Variants in PDCD11 observed in about 807,000 individuals in gnomAD.
The protein encoded by PDCD11 is programmed cell death 11, also known as protein RRP5 homolog.
Under a neutral mutation model 198.9 loss-of-function variants are expected in PDCD11, and 97 were observed. The ratio of observed to expected loss-of-function variants is 0.49; its 90% CI spans 0.41 to 0.58. The LOEUF is 0.58. Ranked by LOEUF, PDCD11 falls within the 20% of genes least tolerant of loss-of-function variation. The probability of loss-of-function intolerance (pLI) is 0.00; values close to 1 mark genes in which losing one functional copy is unlikely to be tolerated. For synonymous variants in PDCD11, 893 were observed against 918.0 expected (o/e 0.97, Z 0.49); for missense variants, 2,102 against 2,312.7 (o/e 0.91, Z 1.87).
At position 103,421,371 on chromosome 10, in the gene PDCD11, C is replaced by G; in HGVS notation, c.2301C>G (p.Thr767=). 1 of 1,609,146 alleles carries G rather than the reference C, an allele frequency of 6.2e-7. No homozygotes were observed. Among genetic ancestry groups the G allele is most frequent in the East Asian group, 2.2e-5 (1 of 44,810 alleles). ...PKAIMSDKFV[T]STSDHFVEGQ... is the part of the protein sequence containing the mutation. ...AGATCATGAGTGACAAATTTGTGAC[C>G]TCCACAAGTGACCACTTTGTTGAGG... Residue 767 remains threonine, a synonymous_variant, in exon 17 of 36, where the codon ACC becomes ACG. Transcript: ENST00000369797.
intron 30 of PDCD11, among the ~76,000 whole-genome samples, chr10:103,441,091 A>T (rs2133752231): frequency 6.6e-6 from 1 of 152,302 alleles, no homozygotes; most frequent in Admixed American, 6.5e-5. Context: ...GAGGCTGGGC[A>T]GAGAAAGAGG....
intron 25 of PDCD11, 31 bp from the exon 26 acceptor site, chr10:103,437,984 G>T: frequency 1.3e-6 from 2 of 1,598,948 alleles, no homozygotes; most frequent in South Asian, 1.1e-5. Context: ...GCTGAAAATT[G>T]AGCGTTTCCT....
Position 103,440,543 on chromosome 10 carries a change from C to G in PDCD11, c.4402C>G (p.Arg1468Gly). Reference sequence around the variant, plus strand: ...GCCCCAGAAGCCACAGGCGCAGAAGCGGGGCGGGCGGGAGTGCCGGGAGTC... The same window carrying G: ...GCCCCAGAAGCCACAGGCGCAGAAGGGGGGCGGGCGGGAGTGCCGGGAGTC... The part of the protein sequence containing the change: ...QQPQKPQAQK[R>G]GGRECRESGS... The change falls in exon 29 of 36, where the codon CGG (arginine) becomes GGG (glycine). Residue 1468 changes from arginine to glycine, a missense_variant. Transcript: ENST00000369797. 1.2e-6 allele frequency: 2 copies of G among 1,612,480 alleles called. No individual in the cohort carries two copies. The highest frequency in any genetic ancestry group is 2.7e-5 in the African/African-American group (2 of 74,990).
intron 4 of PDCD11, among the ~76,000 whole-genome samples, chr10:103,404,292 G>A (rs1027792191): frequency 1.4e-5 from 2 of 147,184 alleles, no homozygotes; most frequent in African/African-American, 5.0e-5. Flanking sequence ...CCTGACCTAT[G>A]ATTTTTGTTT....
In PDCD11 at chr10:103,446,265, A is replaced by T. The variant is rs1485111106; in HGVS notation, c.*716A>T. 6.6e-6 allele frequency: 1 copy of T among 152,248 alleles called. No homozygotes were observed. The highest frequency in any genetic ancestry group is 1.5e-5 in the Non-Finnish European group (1 of 68,090). The allele number at this position is 152,248 out of a possible 1,614,324, so 9.4% of individuals were successfully genotyped here. A position where few individuals can be genotyped will look rare whatever the true frequency, so the allele number is the denominator to read the frequency against. ...AAGCCAGTTCTTTTTTGTCTTGGTCATGAGGGAATTAAACGTTTTCTCTGG... is the reference window on the plus strand; with the variant it reads ...AAGCCAGTTCTTTTTTGTCTTGGTCTTGAGGGAATTAAACGTTTTCTCTGG... On this transcript the variant is annotated 3_prime_UTR_variant, in exon 36 of 36. Transcript: ENST00000369797.
In PDCD11 at chr10:103,434,860, G is replaced by A. The variant is rs765758017; in HGVS notation, c.3730G>A (p.Glu1244Lys). 41 of 1,612,922 alleles carry A rather than the reference G, an allele frequency of 2.5e-5. No individual in the cohort carries two copies. Among genetic ancestry groups the A allele is most frequent in the Admixed American group, 1.2e-4 (7 of 59,880 alleles). ...MGRVVKVTPN[E>K]GLTVSFPFGK... ...CCGAGTGGTGAAGGTGACTCCCAAC[G>A]AGGGGCTGACCGTCTCCTTCCCCTT... Residue 1244 changes from glutamate to lysine, a missense_variant, in exon 25 of 36, where the codon GAG becomes AAG. Physicochemically the swap from Glu to Lys is moderately conservative, Grantham distance 56 (BLOSUM62 1). Coordinates refer to ENST00000369797, the MANE Select transcript of PDCD11 (RefSeq NM_014976.2).
Position 103,440,330 on chromosome 10 carries a change from C to T in PDCD11, c.4189C>T (p.Pro1397Ser). 1 of 1,614,162 alleles carries T rather than the reference C, an allele frequency of 6.2e-7. No homozygotes were observed. Among genetic ancestry groups the T allele is most frequent in the Non-Finnish European group, 8.5e-7 (1 of 1,180,034 alleles). The change falls in exon 29 of 36, where the codon CCC becomes TCC. Residue 1397 changes from proline (P) to serine (S), a missense_variant. Coordinates refer to ENST00000369797, the MANE Select transcript of PDCD11 (RefSeq NM_014976.2). ...QKNLVELSFLPGDTGKPDVLS... is the reference protein window; with the variant it reads ...QKNLVELSFLSGDTGKPDVLS... ...GAACCTGGTAGAGCTGTCTTTCCTC[C>T]CCGGAGACACTGGGAAGCCAGACGT...
Position 103,440,488 on chromosome 10 carries a change from G to A in PDCD11, c.4347G>A (p.Glu1449=). 2 of 1,613,978 alleles carry A rather than the reference G, an allele frequency of 1.2e-6. No individual in the cohort carries two copies. Among genetic ancestry groups the A allele is most frequent in the South Asian group, 1.1e-5 (1 of 91,078 alleles). Residue 1449 remains glutamate (E), a synonymous_variant, in exon 29 of 36, where the codon GAG becomes GAA. Coordinates refer to ENST00000369797, the MANE Select transcript of PDCD11 (RefSeq NM_014976.2). ...NEKKNQKGQE[E]VEMPSKEKQQ... The stretch of plus-strand genomic sequence containing the variant: ...AGAAGAACCAGAAGGGGCAGGAGGA[G>A]GTGGAGATGCCCAGCAAGGAGAAGC...
At chr10:103,443,756 A>C (rs1592144516) in intron 33 of PDCD11, among the ~76,000 whole-genome samples, 159 bp from the exon 34 acceptor site, 1 of 152,082 alleles carries the variant, frequency 6.6e-6, no homozygotes, top group Admixed American at 6.5e-5. Context: ...CCCTTCTGTG[A>C]GCCTCCCTCC....
At chr10:103,414,363 T>A (rs1384722947) in intron 11 of PDCD11, 33 bp downstream of exon 11, 2 of 1,527,044 alleles carry the variant, frequency 1.3e-6, no homozygotes, top group African/African-American at 2.7e-5. Context: ...AGGTACTGCC[T>A]CACCATCAGG....
chr10:103,439,694 G>A lies in PDCD11; in HGVS notation c.4026-52G>A, dbSNP rs2032295913. 5.0e-6 allele frequency: 8 copies of A among 1,611,370 alleles called. No homozygotes were observed. The South Asian group carries it at 8.8e-5, about 18-fold the overall frequency. ...AGAGTGAAGTCCCGAGGCCTGGTTG[G>A]AATTCTGTTGTTGCATTTGTGACCA... On this transcript the variant is annotated intron_variant, in intron 27 of 35. Coordinates refer to ENST00000369797, the MANE Select transcript of PDCD11 (RefSeq NM_014976.2).
chr10:103,416,774 C>G (rs748196051), intron 13 of PDCD11, 32 bp downstream of exon 13: 5 of 1,602,356 alleles, frequency 3.1e-6, no homozygotes, highest in Non-Finnish European at 4.3e-6. Flanking sequence ...TCCCCTTTAC[C>G]CTTGGTGACC....
chr10:103,425,614 C>T, intron 20 of PDCD11, 89 bp downstream of exon 20: 1 of 1,097,406 alleles, frequency 9.1e-7, no homozygotes, highest in South Asian at 1.5e-5. Context: ...CAAAAAGTTG[C>T]ATGTAAGTCA....
chr10:103,430,415 G>C (rs1358974927), intron 21 of PDCD11, among the ~76,000 whole-genome samples: 1 of 152,220 alleles, frequency 6.6e-6, no homozygotes, highest in African/African-American at 2.4e-5. Context: ...GAATAGTGCT[G>C]CATTGAACAT....
Position 103,445,592 on chromosome 10 carries a change from C to CTG in PDCD11, c.*43_*44insTG. 1 of 1,570,120 alleles carries CTG rather than the reference C, an allele frequency of 6.4e-7. No individual in the cohort carries two copies. Among genetic ancestry groups the CTG allele is most frequent in the Non-Finnish European group, 8.7e-7 (1 of 1,149,578 alleles). On this transcript the variant is annotated 3_prime_UTR_variant, in exon 36 of 36. Coordinates refer to ENST00000369797, the MANE Select transcript of PDCD11 (RefSeq NM_014976.2). ...GGGACACTGTCAACAATGGGCCAGCCCGGCCCCGCCTCGAGTGCCTGGGCA... is the reference window on the plus strand; with the variant it reads ...GGGACACTGTCAACAATGGGCCAGCCTGCGGCCCCGCCTCGAGTGCCTGGGCA...
chr10:103,441,057 T>C (rs1337348938), intron 30 of PDCD11, among the ~76,000 whole-genome samples: 1 of 152,124 alleles, frequency 6.6e-6, no homozygotes, highest in Non-Finnish European at 1.5e-5. Flanking sequence ...GGAATATTTA[T>C]TGGGTGGAAC....
Position 103,425,010 on chromosome 10 carries a change from G to T in PDCD11, c.2790G>T (p.Ala930=). 1.9e-6 allele frequency: 3 copies of T among 1,614,200 alleles called. No homozygotes were observed. Among genetic ancestry groups the T allele is most frequent in the East Asian group, 2.2e-5 (1 of 44,868 alleles). Reference sequence around the variant, plus strand: ...TGAGGAAAGGCAGCGAACACCAGGCGATTGTGCAGCACTTGGAGAAGTCCT... The same window carrying T: ...TGAGGAAAGGCAGCGAACACCAGGCTATTGTGCAGCACTTGGAGAAGTCCT... ...RKLRKGSEHQ[A]IVQHLEKSFA... The change falls in exon 20 of 36, where the codon GCG becomes GCT. Residue 930 remains alanine, a synonymous_variant. Transcript: ENST00000369797.
rs773812457 is a variant in PDCD11 at position 103,396,645 on chromosome 10, A to G, written c.-97A>G. The G allele has an allele frequency of 6.6e-6, 1 of 152,452 alleles. No individual in the cohort carries two copies. The highest frequency in any genetic ancestry group is 1.9e-4 in the East Asian group (1 of 5,188). 9.4% of individuals were successfully genotyped at this position (152,452 alleles called of 1,614,324 possible). On this transcript the variant is annotated 5_prime_UTR_variant, in exon 1 of 36. Coordinates refer to ENST00000369797, the MANE Select transcript of PDCD11 (RefSeq NM_014976.2). ...CCGCCCACACTTCCGGAAGAATTGC[A>G]CTGGACTGTGGGTATCCTGGTCTCC...
chr10:103,425,210 C>G lies in PDCD11; in HGVS notation c.2990C>G (p.Pro997Arg). 1 of 1,614,062 alleles carries G rather than the reference C, an allele frequency of 6.2e-7. No homozygotes were observed. Among genetic ancestry groups the G allele is most frequent in the South Asian group, 1.1e-5 (1 of 91,070 alleles). ...GGCCTTCTTTTGGCTGTGGAGGGGC[C>G]GGCTGCCAAGAGGACCATGAGGCCG... ...VTGLLLAVEGPAAKRTMRPTQ... is the reference protein window; with the variant it reads ...VTGLLLAVEGRAAKRTMRPTQ... Residue 997 changes from proline to arginine, a missense_variant, in exon 20 of 36, where the codon CCG becomes CGG. Transcript: ENST00000369797.
Sources: gnomAD v4.1 joint callset for allele counts (sites outside exome capture counted in the v4.1 genomes callset) on GRCh38, gnomAD v4.1.1 for gene constraint, MANE v1.5 for transcripts, NCBI Gene and HGNC (gene_info 2026-07-23, HGNC 2026-07-21) for gene names.